Variants in RNF13 observed in about 807,000 individuals in gnomAD.
The protein encoded by RNF13 is E3 ubiquitin-protein ligase RNF13.
RNF13 carries 19 observed loss-of-function variants against 37.7 expected under a neutral mutation model. That is an observed-to-expected ratio of 0.50 (90% CI 0.35 to 0.74). The LOEUF (loss-of-function observed/expected upper bound fraction) is 0.74. RNF13 is among the 30% of genes least tolerant of loss of function. The pLI, the probability that RNF13 is intolerant of heterozygous loss-of-function variation, is 0.01. For synonymous variants in RNF13, 144 were observed against 157.8 expected, an observed-to-expected ratio of 0.91 and a Z score of 0.65; for missense variants, 375 against 453.0, an observed-to-expected ratio of 0.83 and a Z score of 1.56.
intron 3 of RNF13, among the ~76,000 whole-genome samples, chr3:149,867,411 G>A (rs531200673): frequency 7.3e-5 from 11 of 151,190 alleles, no homozygotes; most frequent in South Asian, 2.1e-4. Flanking sequence ...GACTACAGGC[G>A]CCCACCACCA....
At chr3:149,883,496 C>T (rs532665858) in intron 4 of RNF13, among the ~76,000 whole-genome samples, 25 of 151,978 alleles carry the variant, frequency 1.6e-4, no homozygotes, top group African/African-American at 3.4e-4. Context: ...AATCCTTGAA[C>T]GTAATTTATA....
chr3:149,884,216 C>G (rs753794344), intron 4 of RNF13, among the ~76,000 whole-genome samples: 1 of 151,996 alleles, frequency 6.6e-6, no homozygotes, highest in Non-Finnish European at 1.5e-5. Context: ...CTTTAAAGAC[C>G]TTTTAATTTT....
intron 1 of RNF13, among the ~76,000 whole-genome samples, chr3:149,820,955 A>G (rs1175635688): frequency 6.6e-6 from 1 of 152,226 alleles, no homozygotes; most frequent in Admixed American, 6.5e-5. Flanking sequence ...AGGTTTACCC[A>G]CATGTAGCAT....
chr3:149,817,356 G>A (rs1719569861), intron 1 of RNF13: 2 of 152,116 alleles, frequency 1.3e-5, no homozygotes, highest in Admixed American at 6.5e-5. Flanking sequence ...TTTAGACCTA[G>A]CAAGGCTCCC....
At chr3:149,920,766 T>TATAGGA (rs1718034013) in intron 7 of RNF13, among the ~76,000 whole-genome samples, 1 of 150,874 alleles carries the variant, frequency 6.6e-6, no homozygotes, top group East Asian at 1.9e-4. Context: ...GTTTGTAATA[T>TATAGGA]ATAGGAATAT....
At chr3:149,946,702 T>C (rs1720799738) in intron 8 of RNF13, among the ~76,000 whole-genome samples, 1 of 152,208 alleles carries the variant, frequency 6.6e-6, no homozygotes, top group Non-Finnish European at 1.5e-5. Context: ...CTTCTCTCCA[T>C]TTTAGTTATT....
At chr3:149,856,909 G>C (rs932265258) in intron 3 of RNF13, among the ~76,000 whole-genome samples, 2 of 152,040 alleles carry the variant, frequency 1.3e-5, no homozygotes, top group Non-Finnish European at 2.9e-5. Flanking sequence ...CACTACGCAC[G>C]GCTAATTTTT....
chr3:149,944,928 T>G (rs573611439), intron 8 of RNF13, among the ~76,000 whole-genome samples: 1 of 152,254 alleles, frequency 6.6e-6, no homozygotes, highest in East Asian at 1.9e-4. Context: ...TCTTCTAGGG[T>G]TTTTATGGTT....
At chr3:149,851,828 C>T (rs1485384933) in intron 2 of RNF13, among the ~76,000 whole-genome samples, 6 of 152,156 alleles carry the variant, frequency 3.9e-5, no homozygotes, top group African/African-American at 4.8e-5. Flanking sequence ...ACAGCAAACT[C>T]ATCTCACAAT....
At chr3:149,862,711 G>A (rs1724391567) in intron 3 of RNF13, among the ~76,000 whole-genome samples, 1 of 151,564 alleles carries the variant, frequency 6.6e-6, no homozygotes, top group Admixed American at 6.6e-5. Flanking sequence ...TTCTTTTTTA[G>A]TGAACATCTT....
chr3:149,916,293 T>A (rs1179859618), intron 7 of RNF13, among the ~76,000 whole-genome samples: 1 of 152,206 alleles, frequency 6.6e-6, no homozygotes, highest in African/African-American at 2.4e-5. Flanking sequence ...TATACTCAAA[T>A]AACAATTTAA....
At chr3:149,949,189 G>C (rs1167289839) in intron 8 of RNF13, among the ~76,000 whole-genome samples, 1 of 151,950 alleles carries the variant, frequency 6.6e-6, no homozygotes, top group African/African-American at 2.4e-5. Flanking sequence ...TCACTTACTT[G>C]TAGGTGCTCT....
At chr3:149,903,339 T>G (rs1716045272) in intron 6 of RNF13, among the ~76,000 whole-genome samples, 1 of 152,094 alleles carries the variant, frequency 6.6e-6, no homozygotes, top group African/African-American at 2.4e-5. Flanking sequence ...AATATGTATT[T>G]TAAAGAGTAT....
rs114287864 is a variant in RNF13, at chr3:149,813,541, G to T, written c.-17+188G>T. 0.012 allele frequency among the ~76,000 whole-genome samples: 1,834 copies of T among 152,332 alleles called. 29 individuals are homozygous for T. The highest frequency in any genetic ancestry group is 0.041 in the African/African-American group (1,713 of 41,580). The stretch of plus-strand genomic sequence containing the variant: ...GGAATAAAATAGCCTTGCCCTCGGG[G>T]GACCGAGTCTCCCCTGCACTCTCAT... On this transcript the variant is annotated intron_variant, in intron 1 of 9. Coordinates refer to ENST00000392894, the MANE Select transcript of RNF13 (RefSeq NM_183381.3).
intron 8 of RNF13, 143 bp downstream of exon 8, chr3:149,921,370 T>C (rs1346880304): frequency 4.4e-6 from 1 of 228,922 alleles, no homozygotes; most frequent in Non-Finnish European, 9.0e-6. Context: ...GTTACATAGG[T>C]ATACATGTGC....
At chr3:149,816,364 G>A (rs1719449609) in intron 1 of RNF13, among the ~76,000 whole-genome samples, 1 of 152,182 alleles carries the variant, frequency 6.6e-6, no homozygotes, top group Non-Finnish European at 1.5e-5. Context: ...AATATGGAAT[G>A]CTGTGGGGCT....
At chr3:149,821,785 T>G (rs1720018857) in intron 1 of RNF13, among the ~76,000 whole-genome samples, 1 of 152,168 alleles carries the variant, frequency 6.6e-6, no homozygotes, top group Admixed American at 6.5e-5. Context: ...TTTTATAATT[T>G]TACTCCTTAT....
intron 3 of RNF13, among the ~76,000 whole-genome samples, chr3:149,854,798 C>G (rs1723484340): frequency 6.6e-6 from 1 of 152,194 alleles, no homozygotes; most frequent in Non-Finnish European, 1.5e-5. Context: ...CCTTACATGT[C>G]TACTTCCAAA....
At chr3:149,918,290 C>T (rs1325268736) in intron 7 of RNF13, among the ~76,000 whole-genome samples, 1 of 152,130 alleles carries the variant, frequency 6.6e-6, no homozygotes, top group African/African-American at 2.4e-5. Context: ...GTCACATGTA[C>T]TTGGTGGCTA....
Sources: allele counts gnomAD v4.1 joint callset (sites outside exome capture counted in the v4.1 genomes callset), GRCh38; gene constraint gnomAD v4.1.1; transcripts MANE v1.5; gene names NCBI Gene and HGNC (gene_info 2026-07-23, HGNC 2026-07-21).